Variants in DGKB observed in about 807,000 individuals in gnomAD.
DGKB encodes diacylglycerol kinase beta, also known as 90 kDa diacylglycerol kinase.
DGKB carries 67 observed loss-of-function variants against 114.3 expected under a neutral mutation model. That is an observed-to-expected ratio of 0.59 (90% CI 0.48 to 0.72). The LOEUF (loss-of-function observed/expected upper bound fraction) is 0.72, where lower values mean the gene tolerates loss of function less well. Among genes scored for constraint, DGKB ranks in the 30% least tolerant of loss-of-function variants. The probability of loss-of-function intolerance (pLI) is 0.00; values close to 1 mark genes in which losing one functional copy is unlikely to be tolerated. For missense variants in DGKB, 907 were observed against 975.2 expected (o/e 0.93, Z 0.93); for synonymous variants, 398 against 323.1 (o/e 1.23, Z -2.49).
At chr7:14,880,609 A>G (rs1217451840) in intron 1 of DGKB, among the ~76,000 whole-genome samples, 6 of 152,216 alleles carry the variant, frequency 3.9e-5, no homozygotes, top group South Asian at 2.1e-4. Flanking sequence ...TCCTCATGCC[A>G]TAAGAAGCCC....
chr7:14,426,084 T>C (rs190260400), intron 21 of DGKB, among the ~76,000 whole-genome samples: 1 of 152,274 alleles, frequency 6.6e-6, no homozygotes, highest in East Asian at 1.9e-4. Context: ...CTAATAGCTA[T>C]ATATGAATTA....
At chr7:14,917,048 T>C (rs1784275233) in intron 1 of DGKB, among the ~76,000 whole-genome samples, 1 of 152,010 alleles carries the variant, frequency 6.6e-6, no homozygotes, top group Non-Finnish European at 1.5e-5. Flanking sequence ...TCAAATAAAA[T>C]GTCTCCAAAG....
chr7:14,197,356 G>A (rs1015734952), intron 23 of DGKB, among the ~76,000 whole-genome samples: 1 of 151,746 alleles, frequency 6.6e-6, no homozygotes, highest in African/African-American at 2.4e-5. Context: ...CAGAACAAAA[G>A]CAGTTCTATG....
chr7:14,475,418 G>T (rs1297404289), intron 21 of DGKB, among the ~76,000 whole-genome samples: 2 of 152,108 alleles, frequency 1.3e-5, no homozygotes. Flanking sequence ...TTAGGGAATT[G>T]CCTAAATGCT....
intron 13 of DGKB, among the ~76,000 whole-genome samples, chr7:14,661,415 A>T (rs1817048532): frequency 7.1e-6 from 1 of 141,332 alleles, no homozygotes; most frequent in African/African-American, 2.6e-5. Flanking sequence ...GACACTTCTC[A>T]AAAGAAGACA....
At position 14,345,288 on chromosome 7, in the gene DGKB, A is replaced by AT. The variant is rs200364794; in HGVS notation, c.1926+12dup. On this transcript the variant is annotated intron_variant, in intron 22 of 25. Transcript: ENST00000402815. The stretch of plus-strand genomic sequence containing the variant: ...TTCATCATATTACAAAAGAGAATTC[A>AT]TTTTTTTCTTACTTCTATTTCTACA... 0.023 allele frequency: 33,131 copies of AT among 1,464,168 alleles called. 450 individuals are homozygous for AT. The highest frequency in any genetic ancestry group is 0.026 in the South Asian group (2,092 of 80,032). 90.7% of individuals were successfully genotyped at this position (1,464,168 alleles called of 1,614,324 possible).
At chr7:14,548,363 G>GT (rs765895826) in intron 20 of DGKB, among the ~76,000 whole-genome samples, 47 of 152,304 alleles carry the variant, frequency 3.1e-4, no homozygotes, top group Middle Eastern at 3.4e-3. Flanking sequence ...ATATGCAACA[G>GT]TTAATACGGA....
intron 1 of DGKB, among the ~76,000 whole-genome samples, chr7:14,859,131 T>C (rs912436156): frequency 6.6e-6 from 1 of 152,034 alleles, no homozygotes; most frequent in Non-Finnish European, 1.5e-5. Context: ...AGAAGGCAAA[T>C]TCCAGGCAGC....
intron 4 of DGKB, among the ~76,000 whole-genome samples, chr7:14,749,896 A>G (rs1428854258): frequency 6.6e-6 from 1 of 152,226 alleles, no homozygotes; most frequent in African/African-American, 2.4e-5. Flanking sequence ...TATAATGCAC[A>G]TATGAGCAGA....
chr7:14,762,741 A>AT (rs1342569330), intron 2 of DGKB, among the ~76,000 whole-genome samples: 1 of 152,076 alleles, frequency 6.6e-6, no homozygotes, highest in Non-Finnish European at 1.5e-5. Flanking sequence ...TAACGGAGAG[A>AT]TTTAAAGCCA....
chr7:14,537,746 G>A (rs1442037188), intron 20 of DGKB, among the ~76,000 whole-genome samples: 2 of 152,092 alleles, frequency 1.3e-5, no homozygotes, highest in South Asian at 2.1e-4. Context: ...TGATTACTTC[G>A]ATGTGGCACC....
At chr7:14,149,753 T>C (rs1048931969) in intron 25 of DGKB, among the ~76,000 whole-genome samples, 3 of 150,416 alleles carry the variant, frequency 2.0e-5, no homozygotes, top group Admixed American at 6.7e-5. Context: ...CAAACAGTCA[T>C]TAGAAATGAA....
At chr7:14,705,793 C>T (rs534219014) in intron 6 of DGKB, among the ~76,000 whole-genome samples, 1 of 151,640 alleles carries the variant, frequency 6.6e-6, no homozygotes, top group Admixed American at 6.6e-5. Flanking sequence ...CCAGACCTGC[C>T]CTAAAAGAGC....
intron 20 of DGKB, among the ~76,000 whole-genome samples, chr7:14,511,719 A>G (rs569763208): frequency 1.3e-5 from 2 of 152,310 alleles, no homozygotes; most frequent in African/African-American, 2.4e-5. Context: ...ACTCAGCTTA[A>G]TCATTTTTAG....
chr7:14,214,440 G>A lies in DGKB; in HGVS notation c.2123-36289C>T, dbSNP rs192654905. Reference sequence around the variant, plus strand: ...TTTAGGAAATAAGGAGAAAAAATCTGCTTTGGTTGTAAACTGCAATGAAAA... The same window carrying A: ...TTTAGGAAATAAGGAGAAAAAATCTACTTTGGTTGTAAACTGCAATGAAAA... On this transcript the variant is annotated intron_variant, in intron 23 of 25. Coordinates refer to ENST00000402815, the MANE Select transcript of DGKB (RefSeq NM_001350709.2). 1.1e-4 allele frequency among the ~76,000 whole-genome samples: 16 copies of A among 152,148 alleles called. No individual in the cohort carries two copies. The East Asian group carries it at 2.7e-3, about 26-fold the overall frequency.
In DGKB at chr7:14,708,656, C is replaced by T. The variant is rs1018714511; in HGVS notation, c.467-6926G>A. On this transcript the variant is annotated intron_variant, in intron 6 of 25. Coordinates refer to ENST00000402815, the MANE Select transcript of DGKB (RefSeq NM_001350709.2). ...AACAGAACAGAGCCCTCAGAAATAA[C>T]GCCGCATACCTACAACTGTCTGATC... is the stretch of plus-strand genomic sequence containing the variant. Among the ~76,000 whole-genome samples the T allele has an allele frequency of 3.8e-4, 58 of 151,454 alleles. 1 individual carries two copies. Among genetic ancestry groups the T allele is most frequent in the East Asian group, 5.9e-4 (3 of 5,120 alleles).
chr7:14,898,237 C>A (rs1487797874), intron 1 of DGKB, among the ~76,000 whole-genome samples: 2 of 152,012 alleles, frequency 1.3e-5, no homozygotes, highest in Non-Finnish European at 2.9e-5. Flanking sequence ...AAGTAAATTA[C>A]AGAGAGCCAA....
At chr7:14,465,776 G>A (rs1356696010) in intron 21 of DGKB, among the ~76,000 whole-genome samples, 1 of 152,088 alleles carries the variant, frequency 6.6e-6, no homozygotes, top group Non-Finnish European at 1.5e-5. Context: ...GTAAATTGAG[G>A]AGACCCAAGC....
At chr7:14,940,213 G>A (rs1255145515) in intron 1 of DGKB, among the ~76,000 whole-genome samples, 1 of 152,132 alleles carries the variant, frequency 6.6e-6, no homozygotes, top group Non-Finnish European at 1.5e-5. Context: ...ATGTAATTAT[G>A]AGTTGCCAAA....
Sources: allele counts gnomAD v4.1 joint callset (sites outside exome capture counted in the v4.1 genomes callset), GRCh38; gene constraint gnomAD v4.1.1; transcripts MANE v1.5; gene names NCBI Gene and HGNC (gene_info 2026-07-23, HGNC 2026-07-21).